Variants in ZNF469 observed in about 807,000 individuals in gnomAD.
The protein encoded by ZNF469 is zinc finger protein 469.
Under a neutral mutation model 1.0 loss-of-function variants are expected in ZNF469, and 1 was observed. That is an observed-to-expected ratio of 1.00 (90% confidence interval 0.35 to 4.73). The LOEUF (loss-of-function observed/expected upper bound fraction) is 4.73. Among genes scored for constraint, ZNF469 ranks in the 30% most tolerant of loss-of-function variants. ZNF469 has a pLI of 0.16. For missense variants in ZNF469, 6,100 were observed against 5,356.3 expected (o/e 1.14, Z -4.33); for synonymous variants, 2,703 against 2,363.4 (o/e 1.14, Z -4.17).
chr16:88,198,731 G>A, the ZNF469 span, among the ~76,000 whole-genome samples: 28,286 of 152,074 alleles, frequency 0.19, 2,958 homozygotes, highest in East Asian at 0.45. Context: ...TGAAACCTGG[G>A]CTTTGTTTCG....
chr16:88,403,568 C>A (rs1255743468), intron 1 of ZNF469, among the ~76,000 whole-genome samples: 1 of 152,110 alleles, frequency 6.6e-6, no homozygotes, highest in African/African-American at 2.4e-5. Context: ...TCTGCAGAGG[C>A]CAGGGAGGGT....
chr16:88,275,892 C>G, the ZNF469 span, among the ~76,000 whole-genome samples: 1 of 152,112 alleles, frequency 6.6e-6, no homozygotes, highest in South Asian at 2.1e-4. Context: ...TCACACAGCC[C>G]AAGTGAGACA....
At chr16:88,333,734 G>A in the ZNF469 span, among the ~76,000 whole-genome samples, 2 of 134,834 alleles carry the variant, frequency 1.5e-5, no homozygotes, top group Non-Finnish European at 3.3e-5. Context: ...GCGGGCCCGC[G>A]AGGTGGGGCT....
chr16:88,370,160 A>G, the ZNF469 span, among the ~76,000 whole-genome samples: 12 of 152,246 alleles, frequency 7.9e-5, no homozygotes, highest in Admixed American at 2.6e-4. Context: ...GCCTTTTAAC[A>G]AAATGAGTGC....
the ZNF469 span, among the ~76,000 whole-genome samples, chr16:88,227,576 C>A: frequency 2.0e-5 from 3 of 149,154 alleles, no homozygotes; most frequent in African/African-American, 5.0e-5. Context: ...CCGGCCTGGC[C>A]CCCCCCTTCT....
At chr16:88,330,626 G>A in the ZNF469 span, among the ~76,000 whole-genome samples, 1 of 152,226 alleles carries the variant, frequency 6.6e-6, no homozygotes, top group Non-Finnish European at 1.5e-5. Flanking sequence ...CTTGCCACGT[G>A]TAGAGGCAGA....
chr16:88,394,042 C>T (rs1226632966), intron 1 of ZNF469, among the ~76,000 whole-genome samples: 2 of 151,408 alleles, frequency 1.3e-5, no homozygotes, highest in Non-Finnish European at 2.9e-5. Flanking sequence ...CCAAGAGGAG[C>T]AGGGTTTGAC....
chr16:88,350,136 G>A, the ZNF469 span, among the ~76,000 whole-genome samples: 2,418 of 152,252 alleles, frequency 0.016, 70 homozygotes, highest in African/African-American at 0.055. Context: ...CAATCATGGA[G>A]CTGCTTTAGT....
chr16:88,296,418 T>C, the ZNF469 span, among the ~76,000 whole-genome samples: 2 of 151,306 alleles, frequency 1.3e-5, no homozygotes, highest in African/African-American at 4.9e-5. Context: ...ACACCCATGC[T>C]CACACACATA....
At position 88,438,762 on chromosome 16, in the gene ZNF469, C is replaced by T. The variant is rs747285771; in HGVS notation, c.11292C>T (p.Thr3764=). The change falls in exon 3 of 3, where the codon ACC becomes ACT. Residue 3764 remains threonine (T), a synonymous_variant. Transcript: ENST00000565624. The part of the protein sequence containing the change: ...SGQLQSETAT[T]PAKPSFPSRS... ...AGCTCCAGAGCGAGACAGCCACCAC[C>T]CCAGCCAAGCCCAGCTTCCCCAGCC... 2.6e-6 allele frequency: 4 copies of T among 1,549,978 alleles called. No individual in the cohort carries two copies. The highest frequency in any genetic ancestry group is 3.5e-6 in the Non-Finnish European group (4 of 1,146,890).
At chr16:88,132,941 G>A in the ZNF469 span, among the ~76,000 whole-genome samples, 2 of 152,254 alleles carry the variant, frequency 1.3e-5, no homozygotes. Context: ...CACCACAGGT[G>A]AAGGGCTCAC....
the ZNF469 span, among the ~76,000 whole-genome samples, chr16:88,104,522 C>G: frequency 6.6e-6 from 1 of 152,262 alleles, no homozygotes. Context: ...GCCAGCCACA[C>G]TCTGCTTCAG....
upstream of ZNF469, among the ~76,000 whole-genome samples, chr16:88,378,905 C>T (rs563206453): frequency 7.9e-5 from 12 of 152,378 alleles, no homozygotes; most frequent in South Asian, 2.1e-3. Context: ...TCTCCTCTCT[C>T]GAGAGCCCAT....
chr16:88,274,715 T>C, the ZNF469 span, among the ~76,000 whole-genome samples: 1 of 152,206 alleles, frequency 6.6e-6, no homozygotes, highest in African/African-American at 2.4e-5. Flanking sequence ...AACTACAGAA[T>C]TCAGTTCAAT....
the ZNF469 span, among the ~76,000 whole-genome samples, chr16:88,344,075 A>G: frequency 2.8e-4 from 43 of 152,224 alleles, no homozygotes; most frequent in African/African-American, 1.0e-3. Flanking sequence ...CATGAGAAAA[A>G]CAGCAGAGAG....
chr16:88,435,746 G>C lies in ZNF469; in HGVS notation c.8276G>C (p.Arg2759Thr). 6.4e-7 allele frequency: 1 copy of C among 1,550,862 alleles called. No homozygotes were observed. Among genetic ancestry groups the C allele is most frequent in the Non-Finnish European group, 8.7e-7 (1 of 1,147,002 alleles). The stretch of plus-strand genomic sequence containing the variant: ...TCGGCAAGGGGGTTCTGGGGACCAA[G>C]AGAGACCAAGGCGTTGGGTGTGTGC... ...GASARGFWGP[R>T]ETKALGVCKE... is the part of the protein sequence containing the mutation. Residue 2759 changes from arginine (R) to threonine (T), a missense_variant, in exon 3 of 3, where the codon AGA becomes ACA. Transcript: ENST00000565624.
chr16:88,211,820 G>A, the ZNF469 span, among the ~76,000 whole-genome samples: 1 of 152,190 alleles, frequency 6.6e-6, no homozygotes. Flanking sequence ...TTTGCCACCT[G>A]TGTGGTGCCA....
At chr16:88,180,726 G>A in the ZNF469 span, among the ~76,000 whole-genome samples, 2 of 151,096 alleles carry the variant, frequency 1.3e-5, no homozygotes, top group South Asian at 2.1e-4. Context: ...GTGAGCCAAC[G>A]TGGTCCCACT....
chr16:88,434,531 C>A lies in ZNF469; in HGVS notation c.7061C>A (p.Thr2354Lys). Residue 2354 changes from threonine to lysine, a missense_variant, in exon 3 of 3, where the codon ACG becomes AAG. Coordinates refer to ENST00000565624, the MANE Select transcript of ZNF469 (RefSeq NM_001367624.2). The part of the protein sequence containing the change: ...AVTAVPTEPP[T>K]LQGAGPDSPA... ...ACAGCTGTGCCCACTGAGCCTCCCA[C>A]GCTACAGGGTGCAGGGCCGGACTCC... 2.6e-6 allele frequency: 4 copies of A among 1,550,346 alleles called. No homozygotes were observed. The highest frequency in any genetic ancestry group is 2.6e-6 in the Non-Finnish European group (3 of 1,146,966).
Sources: allele counts gnomAD v4.1 joint callset (sites outside exome capture counted in the v4.1 genomes callset), GRCh38; gene constraint gnomAD v4.1.1; transcripts MANE v1.5; gene names NCBI Gene and HGNC (gene_info 2026-07-23, HGNC 2026-07-21).